The following ENTREP2 variants were observed in gnomAD, a reference collection of about 807,000 sequenced individuals.
The protein encoded by ENTREP2 is endosomal transmembrane epsin interactor 2.
the ENTREP2 span, among the ~76,000 whole-genome samples, chr15:29,251,855 A>C: frequency 6.6e-6 from 1 of 151,748 alleles, no homozygotes; most frequent in African/African-American, 2.4e-5. Context: ...AAAAGATTGA[A>C]TACCTCTGTT....
the ENTREP2 span, among the ~76,000 whole-genome samples, chr15:29,557,104 C>A: frequency 6.6e-6 from 1 of 152,182 alleles, no homozygotes; most frequent in Non-Finnish European, 1.5e-5. Context: ...TCAAACACTG[C>A]CGGTCATGTG....
the ENTREP2 span, among the ~76,000 whole-genome samples, chr15:29,360,789 C>A: frequency 5.4e-3 from 826 of 152,272 alleles, 11 homozygotes; most frequent in African/African-American, 0.019. Flanking sequence ...CAAAAAGAGT[C>A]CCTATCACTC....
the ENTREP2 span, among the ~76,000 whole-genome samples, chr15:29,255,767 C>A: frequency 6.6e-6 from 1 of 151,856 alleles, no homozygotes; most frequent in Non-Finnish European, 1.5e-5. Flanking sequence ...TTTGGGGGGT[C>A]GAGGCGGGCG....
the ENTREP2 span, among the ~76,000 whole-genome samples, chr15:29,356,468 G>C: frequency 6.6e-6 from 1 of 150,860 alleles, no homozygotes; most frequent in African/African-American, 2.4e-5. Flanking sequence ...ACCACACCCA[G>C]CTAATTTTTT....
At chr15:29,272,566 C>T in the ENTREP2 span, among the ~76,000 whole-genome samples, 7 of 152,232 alleles carry the variant, frequency 4.6e-5, no homozygotes, top group Middle Eastern at 3.4e-3. Flanking sequence ...TTGCAGTCTG[C>T]GGGGCGGCCA....
chr15:29,319,920 G>A, the ENTREP2 span, among the ~76,000 whole-genome samples: 9,379 of 152,250 alleles, frequency 0.062, 922 homozygotes, highest in African/African-American at 0.21. Flanking sequence ...TTTTGCCTCT[G>A]AGAACATCAC....
chr15:29,130,965 G>A, the ENTREP2 span, among the ~76,000 whole-genome samples: 166 of 152,328 alleles, frequency 1.1e-3, no homozygotes, highest in Middle Eastern at 3.4e-3. Flanking sequence ...GAGGGCTGTT[G>A]ACAGGAGACG....
the ENTREP2 span, chr15:29,233,649 T>G: frequency 1.1e-6 from 1 of 885,448 alleles, no homozygotes; most frequent in Non-Finnish European, 1.9e-6. Context: ...GTTTATGCAC[T>G]GTAATAAAGC....
At chr15:29,212,686 C>T in the ENTREP2 span, among the ~76,000 whole-genome samples, 2 of 152,240 alleles carry the variant, frequency 1.3e-5, no homozygotes, top group African/African-American at 2.4e-5. Context: ...CAGTTTGTGT[C>T]ATTATTGTCT....
the ENTREP2 span, among the ~76,000 whole-genome samples, chr15:29,339,128 G>A: frequency 6.6e-6 from 1 of 152,256 alleles, no homozygotes; most frequent in Non-Finnish European, 1.5e-5. Flanking sequence ...ATTTGGTCCA[G>A]TGATGTGCTA....
chr15:29,666,869 GC>G, the ENTREP2 span, among the ~76,000 whole-genome samples: 1 of 152,174 alleles, frequency 6.6e-6, no homozygotes, highest in East Asian at 1.9e-4. Flanking sequence ...GCAGGGCCAC[GC>G]TCTCTCGCTC....
the ENTREP2 span, among the ~76,000 whole-genome samples, chr15:29,208,928 G>A: frequency 6.6e-6 from 1 of 152,108 alleles, no homozygotes; most frequent in African/African-American, 2.4e-5. Context: ...GAAATAAAAG[G>A]GTCAATTACA....
At chr15:29,656,686 C>A in the ENTREP2 span, among the ~76,000 whole-genome samples, 2 of 152,198 alleles carry the variant, frequency 1.3e-5, no homozygotes, top group Admixed American at 1.3e-4. Flanking sequence ...TGGCTAAAAA[C>A]CTGACACCAC....
the ENTREP2 span, among the ~76,000 whole-genome samples, chr15:29,373,227 G>T: frequency 3.1e-3 from 465 of 152,104 alleles, 5 homozygotes; most frequent in African/African-American, 0.011. Flanking sequence ...TCCAAGGAGG[G>T]ACAGTGACAG....
At chr15:29,656,507 G>A in the ENTREP2 span, among the ~76,000 whole-genome samples, 49 of 152,304 alleles carry the variant, frequency 3.2e-4, no homozygotes, top group Non-Finnish European at 6.0e-4. Context: ...AATTACAGGC[G>A]TGGGCCACTG....
the ENTREP2 span, among the ~76,000 whole-genome samples, chr15:29,308,887 T>C: frequency 1.3e-5 from 2 of 152,164 alleles, no homozygotes; most frequent in South Asian, 2.1e-4. Flanking sequence ...GAATGAAACA[T>C]TCTTCGATGG....
the ENTREP2 span, chr15:29,373,596 ATTCT>A: frequency 2.0e-5 from 3 of 151,890 alleles, no homozygotes; most frequent in South Asian, 6.2e-4. Flanking sequence ...CTTTCTTTTC[ATTCT>A]CTTTATTATT....
At chr15:29,382,804 A>G in the ENTREP2 span, among the ~76,000 whole-genome samples, 1 of 152,110 alleles carries the variant, frequency 6.6e-6, no homozygotes, top group East Asian at 1.9e-4. Context: ...GGTGTCCAGG[A>G]AGGGCCAATG....
chr15:29,333,031 G>A, the ENTREP2 span, among the ~76,000 whole-genome samples: 1 of 150,822 alleles, frequency 6.6e-6, no homozygotes, highest in South Asian at 2.1e-4. Flanking sequence ...ATTCTAATTA[G>A]AGCACATGGG....
Sources: allele counts gnomAD v4.1 joint callset (sites outside exome capture counted in the v4.1 genomes callset), GRCh38; gene constraint gnomAD v4.1.1; transcripts MANE v1.5; gene names NCBI Gene and HGNC (gene_info 2026-07-23, HGNC 2026-07-21).